The following ZNF695 variants were observed in gnomAD, a reference collection of about 807,000 sequenced individuals.
The protein encoded by ZNF695 is zinc finger protein 695, also known as zinc finger protein SBZF3.
Under a neutral mutation model 11.2 loss-of-function variants are expected in ZNF695, and 11 were observed. The observed-to-expected ratio is 0.98, with a 90% CI of 0.62 to 1.62. ZNF695 has a LOEUF of 1.62. Ranked by LOEUF, ZNF695 falls within the 40% of genes most tolerant of loss-of-function variation. The probability of loss-of-function intolerance (pLI) is 0.00; values close to 1 mark genes in which losing one functional copy is unlikely to be tolerated. For synonymous variants in ZNF695, 190 were observed against 201.4 expected (o/e 0.94, Z 0.48); for missense variants, 559 against 590.5 (o/e 0.95, Z 0.55).
chr1:246,967,949 A>G (rs1668331387), intron 4 of ZNF695: 1 of 165,672 alleles, frequency 6.0e-6, no homozygotes, highest in Non-Finnish European at 1.3e-5. Flanking sequence ...TGAAGATTAC[A>G]ATTTGACATG....
chr1:246,945,664 G>T, downstream of ZNF695: 1 of 874,740 alleles, frequency 1.1e-6, no homozygotes, highest in African/African-American at 1.7e-5. Context: ...ATATTCATCA[G>T]AAATAGATTC....
Position 246,999,976 on chromosome 1 carries a change from T to C in ZNF695, c.102A>G (p.Leu34=), listed in dbSNP as rs773288580. The change falls in exon 2 of 4, where the codon TTA becomes TTG. Residue 34 remains leucine (L), a synonymous_variant. Coordinates refer to ENST00000339986, the MANE Select transcript of ZNF695 (RefSeq NM_020394.5). ...GGGAGATCAGGTTTCTGTAGTTCTC[T>C]AACATCACATCCCTATACAAACTCC... The part of the protein sequence containing the change: ...AQRSLYRDVM[L]ENYRNLISLG... The C allele has an allele frequency of 6.2e-7, 1 of 1,614,184 alleles. No homozygotes were observed. Among genetic ancestry groups the C allele is most frequent in the South Asian group, 1.1e-5 (1 of 91,082 alleles).
At chr1:246,955,761 T>C (rs1475175462) in intron 5 of ZNF695, among the ~76,000 whole-genome samples, 1 of 152,174 alleles carries the variant, frequency 6.6e-6, no homozygotes, top group East Asian at 1.9e-4. Context: ...CTCTAGAATG[T>C]AGGCTCCTAA....
At chr1:246,999,278 A>G (rs1669294755) in intron 3 of ZNF695, 70 bp downstream of exon 3, 1 of 1,295,148 alleles carries the variant, frequency 7.7e-7, no homozygotes, top group South Asian at 1.2e-5. Flanking sequence ...CCCAAACCAC[A>G]GTTTAAAGTC....
intron 4 of ZNF695, among the ~76,000 whole-genome samples, chr1:246,979,389 G>T (rs1668647697): frequency 6.6e-6 from 1 of 152,092 alleles, no homozygotes; most frequent in Non-Finnish European, 1.5e-5. Flanking sequence ...GTTTGTCATA[G>T]CCAGGAGAGC....
At chr1:246,992,758 A>G (rs1242220276) in intron 3 of ZNF695, among the ~76,000 whole-genome samples, 2 of 152,168 alleles carry the variant, frequency 1.3e-5, no homozygotes, top group Admixed American at 6.5e-5. Context: ...GGTGAGCACA[A>G]TGCCACAAGC....
intron 1 of ZNF695, among the ~76,000 whole-genome samples, chr1:247,003,467 A>C (rs1208515482): frequency 6.6e-6 from 1 of 152,240 alleles, no homozygotes; most frequent in East Asian, 1.9e-4. Context: ...GGAAGGCAAG[A>C]GTAGAAACTA....
At chr1:246,959,110 A>G (rs914599518) in intron 5 of ZNF695, among the ~76,000 whole-genome samples, 3 of 150,264 alleles carry the variant, frequency 2.0e-5, no homozygotes, top group African/African-American at 7.4e-5. Context: ...ACATAGCAAG[A>G]CCCTGTCTCT....
At chr1:246,945,786 C>G (rs1667718838) in exon 6 of ZNF695, 1 of 1,550,176 alleles carries the variant, frequency 6.5e-7, no homozygotes, top group Non-Finnish European at 8.7e-7. Flanking sequence ...GACGGAACCT[C>G]CGCAGGGTCT....
intron 5 of ZNF695, among the ~76,000 whole-genome samples, chr1:246,963,752 C>T (rs1201246002): frequency 6.6e-6 from 1 of 152,188 alleles, no homozygotes; most frequent in African/African-American, 2.4e-5. Context: ...CCCACACCGA[C>T]CAATTCTCCA....
chr1:246,967,074 G>T (rs1190162804), intron 5 of ZNF695, among the ~76,000 whole-genome samples: 1 of 152,110 alleles, frequency 6.6e-6, no homozygotes, highest in Non-Finnish European at 1.5e-5. Flanking sequence ...CAGCAGCTGG[G>T]ATTACAGGCA....
At chr1:246,945,741 C>G (rs773135492) in exon 6 of ZNF695, 1 of 1,546,700 alleles carries the variant, frequency 6.5e-7, no homozygotes, top group Admixed American at 2.0e-5. Flanking sequence ...ATTCGCCTCA[C>G]GGAGCAGGGA....
intron 1 of ZNF695, among the ~76,000 whole-genome samples, chr1:247,001,586 G>A (rs1411708567): frequency 5.9e-5 from 9 of 151,284 alleles, no homozygotes; most frequent in South Asian, 4.2e-4. Context: ...GGTGGCGGGC[G>A]CCTGTAATCC....
At chr1:246,962,350 G>A (rs1321535612) in intron 5 of ZNF695, among the ~76,000 whole-genome samples, 2 of 152,178 alleles carry the variant, frequency 1.3e-5, no homozygotes, top group Non-Finnish European at 2.9e-5. Flanking sequence ...CAGAGTTCAG[G>A]GAAAGGCATC....
chr1:246,987,774 G>A lies in ZNF695; in HGVS notation c.741C>T (p.Asn247=). 1 of 1,600,898 alleles carries A rather than the reference G, an allele frequency of 6.2e-7. No homozygotes were observed. The highest frequency in any genetic ancestry group is 8.5e-7 in the Non-Finnish European group (1 of 1,176,042). Residue 247 remains asparagine (N), a synonymous_variant, in exon 4 of 4, where the codon AAC becomes AAT. Transcript: ENST00000339986. ...CAAGACTTGAGCAAGACTTAAAAAT[G>A]TTATTACATTCTTCACATTTGCAAT... ...EKHCKCEECN[N]IFKSCSSLAV...
chr1:246,970,736 G>T (rs1668403427), intron 4 of ZNF695, among the ~76,000 whole-genome samples: 2 of 152,246 alleles, frequency 1.3e-5, no homozygotes, highest in African/African-American at 4.8e-5. Context: ...ACCCTTAGTA[G>T]AACGGCTAAA....
intron 1 of ZNF695, among the ~76,000 whole-genome samples, chr1:247,002,199 T>C (rs1029617918): frequency 2.0e-5 from 3 of 151,832 alleles, no homozygotes; most frequent in African/African-American, 7.3e-5. Context: ...CTGAAAACCA[T>C]ACAGTTACAA....
intron 3 of ZNF695, among the ~76,000 whole-genome samples, chr1:246,994,386 C>A (rs865920338): frequency 2.1e-4 from 31 of 150,810 alleles, no homozygotes; most frequent in African/African-American, 7.3e-4. Context: ...ACTAAAAATA[C>A]GAAAATTAGC....
intron 3 of ZNF695, chr1:246,996,047 T>C (rs1388094003): frequency 8.8e-6 from 4 of 453,434 alleles, no homozygotes; most frequent in Non-Finnish European, 1.8e-5. Context: ...TTAAATATAA[T>C]TCAGAATACA....
Sources: allele counts gnomAD v4.1 joint callset (sites outside exome capture counted in the v4.1 genomes callset), GRCh38; gene constraint gnomAD v4.1.1; transcripts MANE v1.5; gene names NCBI Gene and HGNC (gene_info 2026-07-23, HGNC 2026-07-21).